SOX6: variants seen among roughly 807,000 people sequenced by gnomAD.
SOX6 encodes the protein transcription factor SOX-6.
SOX6 carries 11 observed loss-of-function variants against 97.8 expected under a neutral mutation model. The ratio of observed to expected loss-of-function variants is 0.11; its 90% CI spans 0.07 to 0.19. SOX6 has a LOEUF of 0.19. Among genes scored for constraint, SOX6 ranks in the 10% least tolerant of loss-of-function variants. The probability of loss-of-function intolerance (pLI) is 1.00; values close to 1 mark genes in which losing one functional copy is unlikely to be tolerated. For synonymous variants in SOX6, 360 were observed against 371.4 expected, an observed-to-expected ratio of 0.97 and a Z score of 0.35; for missense variants, 810 against 1,039.5, an observed-to-expected ratio of 0.78 and a Z score of 3.04.
At chr11:16,167,815 T>C (rs1368963984) in intron 6 of SOX6, among the ~76,000 whole-genome samples, 1 of 152,168 alleles carries the variant, frequency 6.6e-6, no homozygotes, top group Non-Finnish European at 1.5e-5. Context: ...CTCTTTCCCA[T>C]TCCCTTTCCT....
chr11:16,233,036 T>A (rs1852906605), intron 4 of SOX6, among the ~76,000 whole-genome samples: 1 of 152,188 alleles, frequency 6.6e-6, no homozygotes, highest in Admixed American at 6.5e-5. Context: ...GATGACTTCC[T>A]TTTCTCTTCA....
At chr11:16,699,108 A>G (rs1478495461) in intron 3 of SOX6, among the ~76,000 whole-genome samples, 1 of 152,246 alleles carries the variant, frequency 6.6e-6, no homozygotes, top group African/African-American at 2.4e-5. Flanking sequence ...TGTATGTTCT[A>G]TGCACTGGGT....
chr11:16,454,038 T>G (rs894844448), intron 1 of SOX6, among the ~76,000 whole-genome samples: 13 of 152,142 alleles, frequency 8.5e-5, no homozygotes, highest in African/African-American at 3.1e-4. Flanking sequence ...CAAGGCTACA[T>G]GCAGAATCGT....
At chr11:16,587,728 T>C (rs951418325) in intron 4 of SOX6, among the ~76,000 whole-genome samples, 10 of 152,212 alleles carry the variant, frequency 6.6e-5, no homozygotes, top group Non-Finnish European at 1.2e-4. Flanking sequence ...GAGATTCCTT[T>C]ATTCTCCTTC....
intron 6 of SOX6, among the ~76,000 whole-genome samples, chr11:16,119,454 T>C (rs1849436299): frequency 6.6e-6 from 1 of 152,206 alleles, no homozygotes; most frequent in African/African-American, 2.4e-5. Context: ...GGCCACAGCC[T>C]TAAGTACTCA....
At chr11:16,451,275 A>T (rs181151373) in intron 1 of SOX6, among the ~76,000 whole-genome samples, 1 of 152,238 alleles carries the variant, frequency 6.6e-6, no homozygotes, top group East Asian at 1.9e-4. Context: ...CTGAGGTAGC[A>T]TATATTATAA....
At chr11:16,513,371 G>A (rs1280290598) in intron 4 of SOX6, among the ~76,000 whole-genome samples, 1 of 152,226 alleles carries the variant, frequency 6.6e-6, no homozygotes, top group Non-Finnish European at 1.5e-5. Flanking sequence ...AGTGGCTCAG[G>A]CCTGTAATCC....
chr11:16,304,170 T>C (rs1466797795), intron 3 of SOX6, among the ~76,000 whole-genome samples: 1 of 152,094 alleles, frequency 6.6e-6, no homozygotes, highest in Non-Finnish European at 1.5e-5. Flanking sequence ...CCCTCTTCGG[T>C]CTTCCAAAGT....
intron 14 of SOX6, among the ~76,000 whole-genome samples, chr11:15,986,827 C>A (rs16932403): frequency 0.013 from 1,949 of 152,232 alleles, 45 homozygotes; most frequent in African/African-American, 0.044. Context: ...AAACATCTCC[C>A]AAACTCCAAG....
At chr11:16,582,856 T>A (rs984123688) in intron 4 of SOX6, among the ~76,000 whole-genome samples, 6 of 152,100 alleles carry the variant, frequency 3.9e-5, no homozygotes, top group African/African-American at 1.2e-4. Context: ...ATAGGTAAGA[T>A]TTTTTAACCC....
At chr11:16,430,625 G>A (rs1432160682) in intron 1 of SOX6, among the ~76,000 whole-genome samples, 1 of 152,168 alleles carries the variant, frequency 6.6e-6, no homozygotes, top group African/African-American at 2.4e-5. Context: ...CTGTGAGGAA[G>A]TGGGCGCTCA....
chr11:16,287,918 A>G (rs1269625231), intron 3 of SOX6, among the ~76,000 whole-genome samples: 1 of 152,164 alleles, frequency 6.6e-6, no homozygotes, highest in Non-Finnish European at 1.5e-5. Context: ...TGGGTTGTAA[A>G]TGAAATTTAA....
chr11:16,383,489 G>A (rs1857888797), intron 1 of SOX6, among the ~76,000 whole-genome samples: 1 of 151,732 alleles, frequency 6.6e-6, no homozygotes, highest in Non-Finnish European at 1.5e-5. Flanking sequence ...TATAATCTTG[G>A]GCAAGTTGCT....
At chr11:16,004,002 AAT>A (rs1394298514) in intron 13 of SOX6, among the ~76,000 whole-genome samples, 1 of 151,360 alleles carries the variant, frequency 6.6e-6, no homozygotes, top group Non-Finnish European at 1.5e-5. Flanking sequence ...GGTGTGTGTA[AAT>A]ATATATATAA....
At chr11:16,249,236 T>C (rs1315773009) in intron 3 of SOX6, among the ~76,000 whole-genome samples, 1 of 152,226 alleles carries the variant, frequency 6.6e-6, no homozygotes, top group Non-Finnish European at 1.5e-5. Flanking sequence ...CAAACTTTTA[T>C]GCTCTGCCTC....
intron 4 of SOX6, among the ~76,000 whole-genome samples, chr11:16,193,389 T>A (rs1851683265): frequency 6.6e-6 from 1 of 151,450 alleles, no homozygotes. Context: ...AAAATAAAAA[T>A]AAATGAAGGG....
At chr11:16,309,597 G>A (rs1855537780) in intron 3 of SOX6, among the ~76,000 whole-genome samples, 2 of 152,038 alleles carry the variant, frequency 1.3e-5, no homozygotes, top group Non-Finnish European at 2.9e-5. Flanking sequence ...AGATTCAATA[G>A]TATTAGAAAT....
intron 6 of SOX6, among the ~76,000 whole-genome samples, chr11:16,167,270 T>C (rs547059739): frequency 7.2e-5 from 11 of 152,282 alleles, no homozygotes; most frequent in African/African-American, 2.6e-4. Flanking sequence ...TCCTTGACTT[T>C]CCTCTCTCCT....
At chr11:16,356,860 C>G (rs961054170), upstream of SOX6, among the ~76,000 whole-genome samples, 3 of 151,946 alleles carry the variant, frequency 2.0e-5, no homozygotes, top group Non-Finnish European at 4.4e-5. Flanking sequence ...ATTAAAAAAG[C>G]CTGCTAGGAA....
Sources: gnomAD v4.1 joint callset for allele counts (sites outside exome capture counted in the v4.1 genomes callset) on GRCh38, gnomAD v4.1.1 for gene constraint, MANE v1.5 for transcripts, NCBI Gene and HGNC (gene_info 2026-07-23, HGNC 2026-07-21) for gene names.